ANK3: variants seen among roughly 807,000 people sequenced by gnomAD.
ANK3 encodes the protein ankyrin 3.
ANK3 carries 57 observed loss-of-function variants against 370.9 expected under a neutral mutation model. That is an observed-to-expected ratio of 0.15 (90% confidence interval 0.12 to 0.19). The LOEUF (loss-of-function observed/expected upper bound fraction) is 0.19. Among genes scored for constraint, ANK3 ranks in the 10% least tolerant of loss-of-function variants. The probability of loss-of-function intolerance (pLI) is 1.00; values close to 1 mark genes in which losing one functional copy is unlikely to be tolerated. For missense variants in ANK3, 4,439 were observed against 5,302.1 expected, an observed-to-expected ratio of 0.84 and a Z score of 5.06; for synonymous variants, 1,929 against 1,946.3, an observed-to-expected ratio of 0.99 and a Z score of 0.23.
intron 2 of ANK3, among the ~76,000 whole-genome samples, chr10:60,526,777 A>G (rs558045060): frequency 1.3e-5 from 2 of 152,262 alleles, no homozygotes; most frequent in South Asian, 4.1e-4. Context: ...ATGTAGGTTG[A>G]TAAGAGCCCA....
intron 2 of ANK3, among the ~76,000 whole-genome samples, chr10:60,395,730 A>T (rs866390007): frequency 6.6e-6 from 1 of 151,900 alleles, no homozygotes; most frequent in Non-Finnish European, 1.5e-5. Context: ...TCGTGTGCTC[A>T]TGGACGTGTT....
At chr10:60,442,094 T>A (rs535189946) in intron 2 of ANK3, among the ~76,000 whole-genome samples, 4 of 140,716 alleles carry the variant, frequency 2.8e-5, no homozygotes, top group African/African-American at 1.1e-4. Context: ...TCCTCCCATA[T>A]ACTTTTTTTT....
intron 2 of ANK3, among the ~76,000 whole-genome samples, chr10:60,565,175 TC>T (rs1175214891): frequency 6.6e-6 from 1 of 152,120 alleles, no homozygotes; most frequent in Non-Finnish European, 1.5e-5. Flanking sequence ...TCCAATGGCA[TC>T]AGAGACCAGT....
chr10:60,302,496 T>C (rs980941048), intron 1 of ANK3, among the ~76,000 whole-genome samples: 4 of 152,172 alleles, frequency 2.6e-5, no homozygotes, highest in African/African-American at 9.7e-5. Context: ...TTTCTTTACA[T>C]ACATTATTTT....
intron 4 of ANK3, among the ~76,000 whole-genome samples, chr10:60,277,121 C>T (rs145498439): frequency 1.3e-5 from 2 of 152,304 alleles, no homozygotes; most frequent in South Asian, 2.1e-4. Flanking sequence ...AAGCACTGTG[C>T]AGTTCCTTTT....
At chr10:60,348,347 C>CAAA (rs35147179) in intron 1 of ANK3, among the ~76,000 whole-genome samples, 73 of 68,062 alleles carry the variant, frequency 1.1e-3, no homozygotes, top group Non-Finnish European at 1.3e-3. Flanking sequence ...TATCACTAGC[C>CAAA]AAAAAAAAAA....
chr10:60,115,009 T>G (rs1335806919), intron 25 of ANK3, among the ~76,000 whole-genome samples: 1 of 151,994 alleles, frequency 6.6e-6, no homozygotes. Context: ...TGGTGGAGAT[T>G]TGGGTGGCCT....
At chr10:60,376,787 A>G (rs2060839550) in intron 1 of ANK3, among the ~76,000 whole-genome samples, 2 of 152,252 alleles carry the variant, frequency 1.3e-5, no homozygotes, top group South Asian at 4.1e-4. Context: ...GGAATTGAGG[A>G]GATCAGGATC....
At chr10:60,462,200 A>C (rs917737876) in intron 2 of ANK3, among the ~76,000 whole-genome samples, 26 of 143,752 alleles carry the variant, frequency 1.8e-4, no homozygotes, top group South Asian at 7.3e-4. Context: ...AACAAACAAA[A>C]AAAAAAGGTT....
chr10:60,295,790 A>C (rs569648708), intron 1 of ANK3, among the ~76,000 whole-genome samples: 6 of 152,248 alleles, frequency 3.9e-5, no homozygotes, highest in Admixed American at 3.9e-4. Flanking sequence ...TTTTAAATTA[A>C]CAATGGCAAT....
At chr10:60,256,001 G>A (rs2097729542) in intron 7 of ANK3, among the ~76,000 whole-genome samples, 1 of 152,166 alleles carries the variant, frequency 6.6e-6, no homozygotes, top group South Asian at 2.1e-4. Context: ...TGGTCTCCGG[G>A]GGCTCAGAAG....
intron 41 of ANK3, among the ~76,000 whole-genome samples, chr10:60,057,464 G>T (rs577172937): frequency 2.2e-4 from 34 of 152,146 alleles, no homozygotes; most frequent in African/African-American, 7.5e-4. Context: ...CTGATTATCT[G>T]AACATACTTA....
intron 1 of ANK3, among the ~76,000 whole-genome samples, chr10:60,369,894 C>A (rs72806110): frequency 6.6e-6 from 1 of 152,164 alleles, no homozygotes; most frequent in Admixed American, 6.5e-5. Flanking sequence ...TACAAACACA[C>A]ATTAACACAA....
At chr10:60,035,352 G>T (rs200010299) in intron 43 of ANK3, among the ~76,000 whole-genome samples, 4 of 151,880 alleles carry the variant, frequency 2.6e-5, no homozygotes, top group African/African-American at 9.7e-5. Flanking sequence ...AGGTTCAAGC[G>T]ATTCTCCTGC....
chr10:60,664,694 C>T lies in ANK3; in HGVS notation c.58-49470G>A, dbSNP rs147556971. Among the ~76,000 whole-genome samples, 807 of 152,212 alleles carry T rather than the reference C, an allele frequency of 5.3e-3. 3 individuals are homozygous for T. Among genetic ancestry groups the T allele is most frequent in the Middle Eastern group, 0.024 (7 of 294 alleles). ...AAAAGCATAAAATGCAAAATTCTAACAATGACCTCCATTAAATAAGGTACT... is the reference window on the plus strand; with the variant it reads ...AAAAGCATAAAATGCAAAATTCTAATAATGACCTCCATTAAATAAGGTACT... On this transcript the variant is annotated intron_variant, in intron 1 of 43. Coordinates refer to the ANK3 transcript ENST00000373827.
At chr10:60,349,858 A>C (rs2056498787) in intron 1 of ANK3, among the ~76,000 whole-genome samples, 1 of 152,222 alleles carries the variant, frequency 6.6e-6, no homozygotes, top group Non-Finnish European at 1.5e-5. Flanking sequence ...TTTAGAAGTG[A>C]GTGGAGACTT....
chr10:60,548,162 T>C (rs529161219), intron 2 of ANK3, among the ~76,000 whole-genome samples: 6 of 151,708 alleles, frequency 4.0e-5, no homozygotes, highest in African/African-American at 1.4e-4. Context: ...AAAATACCTG[T>C]CTTATATAAT....
chr10:60,140,349 T>C, intron 23 of ANK3: 1 of 1,613,834 alleles, frequency 6.2e-7, no homozygotes, highest in Non-Finnish European at 8.5e-7. Flanking sequence ...TCAAAGATCT[T>C]ACTCTGCGGT....
At chr10:60,032,742 G>C (rs373382743) in intron 43 of ANK3, among the ~76,000 whole-genome samples, 6 of 152,228 alleles carry the variant, frequency 3.9e-5, no homozygotes, top group East Asian at 1.9e-4. Flanking sequence ...TGTTTTGGGT[G>C]ATTTTTTTTA....
Sources: gnomAD v4.1 joint callset for allele counts (sites outside exome capture counted in the v4.1 genomes callset) on GRCh38, gnomAD v4.1.1 for gene constraint, MANE v1.5 for transcripts, NCBI Gene and HGNC (gene_info 2026-07-23, HGNC 2026-07-21) for gene names.